The following UXS1 variants were observed in gnomAD, a reference collection of about 807,000 sequenced individuals.
UXS1 encodes UDP-glucuronate decarboxylase 1, also known as UDP-glucuronic acid decarboxylase 1.
A neutral mutation model predicts 62.6 loss-of-function variants in UXS1; 33 were observed. The observed-to-expected ratio is 0.53, with a 90% CI of 0.40 to 0.70. The LOEUF is 0.70. Among genes scored for constraint, UXS1 ranks in the 30% least tolerant of loss-of-function variants. UXS1 has a pLI of 0.00. For synonymous variants in UXS1, 213 were observed against 206.8 expected (o/e 1.03, Z -0.26); for missense variants, 434 against 556.3 (o/e 0.78, Z 2.21).
chr2:106,098,685 T>C, intron 13 of UXS1, 31 bp downstream of exon 13: 1 of 1,559,606 alleles, frequency 6.4e-7, no homozygotes, highest in Non-Finnish European at 8.8e-7. Flanking sequence ...GCACAGTCGA[T>C]TTTACTCAGG....
At chr2:106,107,149 G>A (rs915997328) in intron 10 of UXS1, among the ~76,000 whole-genome samples, 42 of 152,132 alleles carry the variant, frequency 2.8e-4, no homozygotes, top group African/African-American at 7.5e-4. Flanking sequence ...GTCTGCATCC[G>A]GGGCTCTGCT....
intron 10 of UXS1, among the ~76,000 whole-genome samples, chr2:106,107,332 G>A (rs1678170139): frequency 6.6e-6 from 1 of 152,200 alleles, no homozygotes; most frequent in Admixed American, 6.5e-5. Context: ...GCCAGCCGAG[G>A]CCAGTCTTCA....
At chr2:106,142,919 A>ATGTG (rs1435856113) in intron 6 of UXS1, among the ~76,000 whole-genome samples, 3 of 107,586 alleles carry the variant, frequency 2.8e-5, no homozygotes, top group Admixed American at 8.9e-5. Flanking sequence ...GTGTGTTTGC[A>ATGTG]TGTATGTGTG....
At chr2:106,150,649 G>A (rs919969036) in intron 5 of UXS1, among the ~76,000 whole-genome samples, 2 of 152,224 alleles carry the variant, frequency 1.3e-5, no homozygotes, top group South Asian at 4.1e-4. Flanking sequence ...TGAGAACATG[G>A]CTTCTTCCAA....
At chr2:106,114,581 G>T (rs1558689240) in intron 9 of UXS1, among the ~76,000 whole-genome samples, 1 of 152,196 alleles carries the variant, frequency 6.6e-6, no homozygotes, top group Non-Finnish European at 1.5e-5. Flanking sequence ...AAAGCTCAAT[G>T]GGTTAGGCAA....
intron 10 of UXS1, 51 bp downstream of exon 10, chr2:106,112,595 T>C: frequency 6.2e-7 from 1 of 1,603,428 alleles, no homozygotes; most frequent in South Asian, 1.1e-5. Context: ...CTTTGTGAGC[T>C]GACTTCGATT....
At chr2:106,143,859 C>T (rs758169295) in intron 6 of UXS1, among the ~76,000 whole-genome samples, 5 of 152,338 alleles carry the variant, frequency 3.3e-5, no homozygotes, top group Non-Finnish European at 7.3e-5. Flanking sequence ...TTCCCTTCTG[C>T]CTGGTCTCCC....
rs931714378 is a variant in UXS1, at chr2:106,143,279, A to G, written c.472+1911T>C. Among the ~76,000 whole-genome samples, 11 of 151,452 alleles carry G rather than the reference A, an allele frequency of 7.3e-5. No individual in the cohort carries two copies. The South Asian group carries it at 1.9e-3, about 26-fold the overall frequency. On this transcript the variant is annotated intron_variant, in intron 6 of 14. Transcript: ENST00000283148. ...AAAAAATCAGCCCAGCATGGTGGCA[A>G]GTGCCTGTAGTCCCAGCTACTCAGG...
chr2:106,186,330 C>T (rs757545715), intron 1 of UXS1, among the ~76,000 whole-genome samples: 5 of 152,090 alleles, frequency 3.3e-5, no homozygotes, highest in African/African-American at 4.8e-5. Context: ...ATGTTCCCAA[C>T]GACACCAATT....
In UXS1 at chr2:106,104,709, T is replaced by C. The variant is rs1677901170; in HGVS notation, c.923+85A>G. 3 of 1,534,870 alleles carry C rather than the reference T, an allele frequency of 2.0e-6. No homozygotes were observed. In the East Asian group the frequency reaches 6.7e-5, roughly 35 times the overall value. ...TAGCGTTGTGGAAATGGTTAACATA[T>C]ACAAGACACTGAACTGTCTGTCAAG... On this transcript the variant is annotated intron_variant, in intron 11 of 14. Coordinates refer to ENST00000283148, the MANE Select transcript of UXS1 (RefSeq NM_001253875.2).
At chr2:106,108,702 T>C (rs1195406822) in intron 10 of UXS1, among the ~76,000 whole-genome samples, 2 of 152,074 alleles carry the variant, frequency 1.3e-5, no homozygotes, top group Non-Finnish European at 2.9e-5. Context: ...AGCATGATGA[T>C]CAAGGAGTAA....
At chr2:106,098,120 C>T (rs1270645600) in intron 13 of UXS1, among the ~76,000 whole-genome samples, 1 of 152,220 alleles carries the variant, frequency 6.6e-6, no homozygotes, top group Admixed American at 6.5e-5. Flanking sequence ...CAACCCCAGA[C>T]AACAGACACC....
At chr2:106,113,526 C>T (rs1678800027) in intron 9 of UXS1, among the ~76,000 whole-genome samples, 1 of 152,140 alleles carries the variant, frequency 6.6e-6, no homozygotes, top group Non-Finnish European at 1.5e-5. Flanking sequence ...TTCAAATATG[C>T]AATCATGGAA....
rs750890399 is a variant in UXS1, at chr2:106,142,288, C to A, written c.472+2902G>T. Among the ~76,000 whole-genome samples, 380 of 152,268 alleles carry A rather than the reference C, an allele frequency of 2.5e-3. 5 individuals carry two copies. The highest frequency in any genetic ancestry group is 1.9e-3 in the Non-Finnish European group (132 of 67,998). On this transcript the variant is annotated intron_variant, in intron 6 of 14. Coordinates refer to ENST00000283148, the MANE Select transcript of UXS1 (RefSeq NM_001253875.2). ...ATTTTCATCATCAGGAAAAAAGTTTCTTTTGAAAAGAGAAAAATATTTCAG... is the reference window on the plus strand; with the variant it reads ...ATTTTCATCATCAGGAAAAAAGTTTATTTTGAAAAGAGAAAAATATTTCAG...
At chr2:106,186,983 G>A (rs1684599272) in intron 1 of UXS1, among the ~76,000 whole-genome samples, 1 of 151,992 alleles carries the variant, frequency 6.6e-6, no homozygotes, top group Non-Finnish European at 1.5e-5. Flanking sequence ...ATTCTTAGGA[G>A]ATATATGTAA....
chr2:106,108,944 C>T (rs1678338341), intron 10 of UXS1, among the ~76,000 whole-genome samples: 1 of 151,270 alleles, frequency 6.6e-6, no homozygotes, highest in Non-Finnish European at 1.5e-5. Flanking sequence ...AAACCCTTAC[C>T]CTCGATATCT....
In UXS1 at chr2:106,163,716, A is replaced by G; in HGVS notation, c.187-6T>C. 7.0e-7 allele frequency: 1 copy of G among 1,427,962 alleles called. No homozygotes were observed. The highest frequency in any genetic ancestry group is 2.8e-5 in the East Asian group (1 of 35,672). 88.5% of individuals were successfully genotyped at this position (1,427,962 alleles called of 1,614,324 possible). A position where few individuals can be genotyped will look rare whatever the true frequency, so the allele number is the denominator to read the frequency against. On this transcript the variant is annotated splice_region_variant and splice_polypyrimidine_tract_variant and intron_variant, in intron 3 of 14. Coordinates refer to ENST00000283148, the MANE Select transcript of UXS1 (RefSeq NM_001253875.2). Reference sequence around the variant, plus strand: ...TCTCTTAGTGGTTCAACCATCTAGAACAATAATAACAAAAATCAGTTTTAA... The same window carrying G: ...TCTCTTAGTGGTTCAACCATCTAGAGCAATAATAACAAAAATCAGTTTTAA...
chr2:106,146,004 C>T (rs1292319235), intron 5 of UXS1, among the ~76,000 whole-genome samples: 1 of 152,152 alleles, frequency 6.6e-6, no homozygotes, highest in Non-Finnish European at 1.5e-5. Flanking sequence ...CCACAGAGCA[C>T]GATGAGGCAG....
At chr2:106,147,985 C>T (rs897970884) in intron 5 of UXS1, among the ~76,000 whole-genome samples, 1 of 152,190 alleles carries the variant, frequency 6.6e-6, no homozygotes, top group East Asian at 1.9e-4. Flanking sequence ...TCCTCATGCT[C>T]GATAGCTTTC....
Sources: allele counts gnomAD v4.1 joint callset (sites outside exome capture counted in the v4.1 genomes callset), GRCh38; gene constraint gnomAD v4.1.1; transcripts MANE v1.5; gene names NCBI Gene and HGNC (gene_info 2026-07-23, HGNC 2026-07-21).